The following RAP2A variants were observed in gnomAD, a reference collection of about 807,000 sequenced individuals.
The protein encoded by RAP2A is RAP2A, member of RAS oncogene family.
In RAP2A, 5 loss-of-function variants were observed where a neutral mutation model predicts 15.1. The observed-to-expected ratio is 0.33, with a 90% CI of 0.17 to 0.70. The LOEUF is 0.70. Among genes scored for constraint, RAP2A ranks in the 30% least tolerant of loss-of-function variants. The probability of loss-of-function intolerance (pLI) is 0.68; values close to 1 mark genes in which losing one functional copy is unlikely to be tolerated. For missense variants in RAP2A, 111 were observed against 240.3 expected (o/e 0.46, Z 3.56); for synonymous variants, 110 against 99.7 (o/e 1.10, Z -0.62).
intron 1 of RAP2A, among the ~76,000 whole-genome samples, chr13:97,454,055 A>G (rs897737785): frequency 6.6e-6 from 1 of 151,014 alleles, no homozygotes; most frequent in African/African-American, 2.4e-5. Context: ...GTCTTGTCGG[A>G]TCGATGTTTT....
intron 1 of RAP2A, among the ~76,000 whole-genome samples, chr13:97,439,057 T>C (rs371438459): frequency 1.3e-5 from 2 of 152,110 alleles, no homozygotes; most frequent in South Asian, 4.1e-4. Context: ...ATCAGAAACA[T>C]GATGTATTCC....
intron 1 of RAP2A, among the ~76,000 whole-genome samples, chr13:97,454,648 T>G (rs1208478698): frequency 2.0e-5 from 3 of 151,346 alleles, no homozygotes; most frequent in Non-Finnish European, 3.0e-5. Flanking sequence ...TTTTGTACGT[T>G]TATACATATT....
chr13:97,457,087 A>G (rs1433865530), intron 1 of RAP2A, among the ~76,000 whole-genome samples: 1 of 152,142 alleles, frequency 6.6e-6, no homozygotes, highest in Non-Finnish European at 1.5e-5. Context: ...ATAGGGTAAC[A>G]AGCACTCTTA....
Position 97,464,542 on chromosome 13 carries a change from T to C in RAP2A, c.*100T>C. On this transcript the variant is annotated 3_prime_UTR_variant, in exon 2 of 2. Transcript: ENST00000245304. ...GAACTTGCAGAATGCGTGGTGTTAA[T>C]CTACAGAGAACTGCAGCCCTTATTC... 9.1e-7 allele frequency: 1 copy of C among 1,095,210 alleles called. No individual in the cohort carries two copies. Among genetic ancestry groups the C allele is most frequent in the East Asian group, 2.4e-5 (1 of 42,154 alleles). 67.8% of individuals were successfully genotyped at this position (1,095,210 alleles called of 1,614,324 possible). A position where few individuals can be genotyped will look rare whatever the true frequency, so the allele number is the denominator to read the frequency against.
chr13:97,434,824 G>C, intron 1 of RAP2A, 40 bp downstream of exon 1: 1 of 1,604,860 alleles, frequency 6.2e-7, no homozygotes, highest in Non-Finnish European at 8.5e-7. Context: ...CTGCACCCCG[G>C]AGTCACCGTC....
At chr13:97,441,889 G>C in intron 1 of RAP2A, 2 of 333,754 alleles carry the variant, frequency 6.0e-6, no homozygotes, top group South Asian at 4.7e-5. Context: ...TAAAGGAAAT[G>C]TATAGATATT....
At chr13:97,453,774 GC>G (rs1440670554) in intron 1 of RAP2A, among the ~76,000 whole-genome samples, 1 of 150,676 alleles carries the variant, frequency 6.6e-6, no homozygotes, top group Non-Finnish European at 1.5e-5. Flanking sequence ...ATTTTATGCT[GC>G]CATACTCTTC....
rs1181713145 is a variant in RAP2A, at chr13:97,434,371, G to C, written c.-100G>C. ...CTGTGAGGTGGGGGCGGCAGCGGGAGGCGGCGGGGCGGGCCGCCGGGGCCG... is the reference window on the plus strand; with the variant it reads ...CTGTGAGGTGGGGGCGGCAGCGGGACGCGGCGGGGCGGGCCGCCGGGGCCG... On this transcript the variant is annotated 5_prime_UTR_variant, in exon 1 of 2. Transcript: ENST00000245304. 2.1e-6 allele frequency: 2 copies of C among 945,318 alleles called. No homozygotes were observed. The highest frequency in any genetic ancestry group is 2.5e-6 in the Non-Finnish European group (2 of 795,300). The allele number at this position is 945,318 out of a possible 1,614,324, so 58.6% of individuals were successfully genotyped here.
In RAP2A at chr13:97,468,325, A is replaced by G. The variant is rs1048136466; in HGVS notation, c.*3883A>G. On this transcript the variant is annotated 3_prime_UTR_variant, in exon 2 of 2. Coordinates refer to ENST00000245304, the MANE Select transcript of RAP2A (RefSeq NM_021033.7). ...ATTAACATTAATTAGCAATATCACT[A>G]AAATGATTCAGAGGCCTTCTAGTGA... The G allele has an allele frequency of 1.3e-5, 2 of 152,250 alleles. No individual in the cohort carries two copies. Among genetic ancestry groups the G allele is most frequent in the Non-Finnish European group, 2.9e-5 (2 of 68,046 alleles). 9.4% of individuals were successfully genotyped at this position (152,250 alleles called of 1,614,324 possible).
chr13:97,444,788 G>A (rs2066672896), intron 1 of RAP2A, among the ~76,000 whole-genome samples: 1 of 152,050 alleles, frequency 6.6e-6, no homozygotes, highest in African/African-American at 2.4e-5. Flanking sequence ...TCATTTTATG[G>A]AAATTCAGAA....
At chr13:97,461,991 T>TC (rs1289252801) in intron 1 of RAP2A, among the ~76,000 whole-genome samples, 34 of 145,104 alleles carry the variant, frequency 2.3e-4, no homozygotes, top group African/African-American at 8.3e-4. Flanking sequence ...TATATATATT[T>TC]ATATATTTAT....
At chr13:97,452,650 GCACACACACACACACA>G in intron 1 of RAP2A, among the ~76,000 whole-genome samples, 1 of 148,180 alleles carries the variant, frequency 6.7e-6, no homozygotes, top group East Asian at 2.0e-4. Flanking sequence ...ACACACACAC[GCACACACACACACACA>G]CACAACCAAC....
intron 1 of RAP2A, among the ~76,000 whole-genome samples, chr13:97,446,980 C>T (rs187593399): frequency 1.3e-5 from 2 of 152,134 alleles, no homozygotes; most frequent in African/African-American, 4.8e-5. Flanking sequence ...CAGTAGTTAT[C>T]TGGAACAATA....
chr13:97,435,465 CAAAA>C (rs35791914), intron 1 of RAP2A, among the ~76,000 whole-genome samples: 104 of 63,650 alleles, frequency 1.6e-3, no homozygotes, highest in African/African-American at 5.2e-3. Context: ...TAACCCCTTC[CAAAA>C]AAAAAAAAAA....
At position 97,446,921 on chromosome 13, in the gene RAP2A, A is replaced by G. The variant is rs369440328; in HGVS notation, c.314+12137A>G. ...GTTGACCCACAGCATCATGCAATATAGTAAAATGGCTATTTTAAGCCCCTA... is the reference window on the plus strand; with the variant it reads ...GTTGACCCACAGCATCATGCAATATGGTAAAATGGCTATTTTAAGCCCCTA... On this transcript the variant is annotated intron_variant, in intron 1 of 1. Coordinates refer to ENST00000245304, the MANE Select transcript of RAP2A (RefSeq NM_021033.7). Among the ~76,000 whole-genome samples, 37 of 152,364 alleles carry G rather than the reference A, an allele frequency of 2.4e-4. 1 individual carries two copies. Among genetic ancestry groups the G allele is most frequent in the African/African-American group, 8.7e-4 (36 of 41,590 alleles).
intron 1 of RAP2A, among the ~76,000 whole-genome samples, chr13:97,453,014 T>C (rs2066709157): frequency 6.6e-6 from 1 of 151,454 alleles, no homozygotes; most frequent in Admixed American, 6.6e-5. Flanking sequence ...TAAAACACTT[T>C]ATAAGTTATG....
In RAP2A at chr13:97,441,250, A is replaced by G. The variant is rs1023027481; in HGVS notation, c.314+6466A>G. 3.9e-5 allele frequency among the ~76,000 whole-genome samples: 6 copies of G among 152,150 alleles called. No homozygotes were observed. In the East Asian group the frequency reaches 7.7e-4, roughly 19 times the overall value. ...CAATTTTGTCTAGTTAAGATTTGAT[A>G]ATTGTATCAATAAAATCTACAATAA... is the stretch of plus-strand genomic sequence containing the variant. On this transcript the variant is annotated intron_variant, in intron 1 of 1. Coordinates refer to ENST00000245304, the MANE Select transcript of RAP2A (RefSeq NM_021033.7).
At chr13:97,438,703 C>A (rs911666820) in intron 1 of RAP2A, among the ~76,000 whole-genome samples, 2 of 152,168 alleles carry the variant, frequency 1.3e-5, no homozygotes, top group African/African-American at 2.4e-5. Flanking sequence ...CTCAATCACA[C>A]ATACCCTGTC....
chr13:97,434,905 T>G (rs968745804), intron 1 of RAP2A, 121 bp downstream of exon 1: 2 of 1,346,092 alleles, frequency 1.5e-6, no homozygotes, highest in East Asian at 4.9e-5. Flanking sequence ...AGCTGGAGGC[T>G]TTACTATTGT....
Sources: gnomAD v4.1 joint callset for allele counts (sites outside exome capture counted in the v4.1 genomes callset) on GRCh38, gnomAD v4.1.1 for gene constraint, MANE v1.5 for transcripts, NCBI Gene and HGNC (gene_info 2026-07-23, HGNC 2026-07-21) for gene names.